The following HEMK2 variants were observed in gnomAD, a reference collection of about 807,000 sequenced individuals.
HEMK2 encodes methyltransferase HEMK2.
the HEMK2 span, among the ~76,000 whole-genome samples, chr21:28,650,334 G>T: frequency 6.6e-6 from 1 of 152,092 alleles, no homozygotes; most frequent in African/African-American, 2.4e-5. Context: ...GGCAGGGGTT[G>T]CAGTGAGCCA....
At chr21:28,830,781 GCAGGAGAATCGCTTGAACC>G in the HEMK2 span, among the ~76,000 whole-genome samples, 1 of 151,876 alleles carries the variant, frequency 6.6e-6, no homozygotes, top group Non-Finnish European at 1.5e-5. Context: ...GGAGGCTGAG[GCAGGAGAATCGCTTGAACC>G]CAGGAGGAGG....
chr21:28,636,485 A>G, the HEMK2 span, among the ~76,000 whole-genome samples: 1 of 152,050 alleles, frequency 6.6e-6, no homozygotes, highest in South Asian at 2.1e-4. Context: ...CCACCAAATT[A>G]TGCTTTTACT....
At chr21:28,733,281 A>AAAAC in the HEMK2 span, among the ~76,000 whole-genome samples, 10 of 152,316 alleles carry the variant, frequency 6.6e-5, no homozygotes, top group South Asian at 6.2e-4. Flanking sequence ...TCCGTCTCAA[A>AAAAC]AAACAAACAA....
At chr21:28,615,440 C>T in the HEMK2 span, among the ~76,000 whole-genome samples, 3 of 151,352 alleles carry the variant, frequency 2.0e-5, no homozygotes, top group South Asian at 2.1e-4. Context: ...CCCCCACCTC[C>T]GAGAATGATA....
chr21:28,588,982 C>CAAAAAAAAA, the HEMK2 span, among the ~76,000 whole-genome samples: 1 of 107,316 alleles, frequency 9.3e-6, no homozygotes, highest in East Asian at 2.3e-4. Context: ...GACACTGTCT[C>CAAAAAAAAA]AAAAAAAAAA....
At chr21:28,670,455 T>G in the HEMK2 span, among the ~76,000 whole-genome samples, 4 of 152,222 alleles carry the variant, frequency 2.6e-5, no homozygotes, top group Non-Finnish European at 4.4e-5. Flanking sequence ...GTGTACTGTC[T>G]TGAGGCCATA....
the HEMK2 span, among the ~76,000 whole-genome samples, chr21:28,611,127 C>T: frequency 6.6e-6 from 1 of 152,124 alleles, no homozygotes; most frequent in Non-Finnish European, 1.5e-5. Flanking sequence ...GGAACATTCC[C>T]CAAGATAGAC....
chr21:28,577,221 G>A, the HEMK2 span: 2 of 152,118 alleles, frequency 1.3e-5, no homozygotes, highest in Non-Finnish European at 2.9e-5. Context: ...ATAGTCACCT[G>A]ACAGTTTTAA....
the HEMK2 span, among the ~76,000 whole-genome samples, chr21:28,669,047 T>C: frequency 6.6e-6 from 1 of 152,122 alleles, no homozygotes; most frequent in Non-Finnish European, 1.5e-5. Context: ...CACAACAACA[T>C]TCCCACTTGT....
chr21:28,834,879 T>G, the HEMK2 span, among the ~76,000 whole-genome samples: 1 of 152,072 alleles, frequency 6.6e-6, no homozygotes, highest in Non-Finnish European at 1.5e-5. Context: ...GGCTTTCCCC[T>G]ACTTCCTAGA....
chr21:28,645,083 C>T, the HEMK2 span, among the ~76,000 whole-genome samples: 1 of 152,098 alleles, frequency 6.6e-6, no homozygotes, highest in Non-Finnish European at 1.5e-5. Context: ...TGAAGTGAGT[C>T]TTTGAGGCCA....
chr21:28,599,336 T>C, the HEMK2 span, among the ~76,000 whole-genome samples: 1 of 152,236 alleles, frequency 6.6e-6, no homozygotes, highest in Admixed American at 6.5e-5. Context: ...CTCACAATCA[T>C]GGCGAAGGCA....
chr21:28,585,546 C>T, the HEMK2 span, among the ~76,000 whole-genome samples: 3 of 151,648 alleles, frequency 2.0e-5, no homozygotes, highest in Admixed American at 2.0e-4. Flanking sequence ...ACAAGGCAGA[C>T]TTTTTAAAAT....
At chr21:28,606,176 G>A in the HEMK2 span, among the ~76,000 whole-genome samples, 3 of 152,148 alleles carry the variant, frequency 2.0e-5, no homozygotes, top group South Asian at 2.1e-4. Flanking sequence ...GTAACATGGC[G>A]GGCAATCCAA....
the HEMK2 span, chr21:28,872,449 T>C: frequency 6.6e-6 from 1 of 152,236 alleles, no homozygotes; most frequent in Non-Finnish European, 1.5e-5. Flanking sequence ...GCATGTTCAT[T>C]CAGGCAAGCC....
At chr21:28,618,674 A>G in the HEMK2 span, among the ~76,000 whole-genome samples, 3 of 152,204 alleles carry the variant, frequency 2.0e-5, no homozygotes, top group Non-Finnish European at 4.4e-5. Context: ...TAATCTGTCA[A>G]TGATCCTATA....
At chr21:28,655,268 G>C in the HEMK2 span, among the ~76,000 whole-genome samples, 1 of 151,550 alleles carries the variant, frequency 6.6e-6, no homozygotes, top group Non-Finnish European at 1.5e-5. Context: ...TTTTTATTTT[G>C]AATTTGTTTT....
chr21:28,878,251 G>T, the HEMK2 span: 4 of 1,606,428 alleles, frequency 2.5e-6, no homozygotes, highest in South Asian at 4.5e-5. Flanking sequence ...AAGGAGATCT[G>T]GAACCAGGGG....
At chr21:28,747,321 T>C in the HEMK2 span, among the ~76,000 whole-genome samples, 36 of 152,358 alleles carry the variant, frequency 2.4e-4, 1 homozygote, top group African/African-American at 7.2e-4. Flanking sequence ...TTGGACCTCA[T>C]GGAGCCCTAA....
Sources: allele counts gnomAD v4.1 joint callset (sites outside exome capture counted in the v4.1 genomes callset), GRCh38; gene constraint gnomAD v4.1.1; transcripts MANE v1.5; gene names NCBI Gene and HGNC (gene_info 2026-07-23, HGNC 2026-07-21).